The following CDH12 variants were observed in gnomAD, a reference collection of about 807,000 sequenced individuals.
The protein encoded by CDH12 is cadherin 12, also known as cadherin-12.
In CDH12, 41 loss-of-function variants were observed where a neutral mutation model predicts 74.1. The ratio of observed to expected loss-of-function variants is 0.55; its 90% CI spans 0.43 to 0.72. The LOEUF (loss-of-function observed/expected upper bound fraction) is 0.72. Ranked by LOEUF, CDH12 falls within the 30% of genes least tolerant of loss-of-function variation. The probability of loss-of-function intolerance (pLI) is 0.00; values close to 1 mark genes in which losing one functional copy is unlikely to be tolerated. For missense variants in CDH12, 945 were observed against 977.2 expected, an observed-to-expected ratio of 0.97 and a Z score of 0.44; for synonymous variants, 399 against 355.0, an observed-to-expected ratio of 1.12 and a Z score of -1.39.
chr5:22,162,566 G>A (rs1748420785), intron 4 of CDH12, among the ~76,000 whole-genome samples: 1 of 152,136 alleles, frequency 6.6e-6, no homozygotes, highest in African/African-American at 2.4e-5. Context: ...ACCAGACACA[G>A]GTCAGACAAG....
intron 5 of CDH12, among the ~76,000 whole-genome samples, chr5:21,991,506 T>TATTTATATATAA (rs1757748401): frequency 1.3e-5 from 2 of 148,244 alleles, no homozygotes; most frequent in Admixed American, 6.8e-5. Context: ...TACATTTATA[T>TATTTATATATAA]ATATATGTTT....
chr5:22,070,741 T>G (rs1741884097), intron 5 of CDH12, among the ~76,000 whole-genome samples: 1 of 152,332 alleles, frequency 6.6e-6, no homozygotes, highest in African/African-American at 2.4e-5. Flanking sequence ...CTGTGAAGAA[T>G]GTCAATGGTA....
intron 4 of CDH12, among the ~76,000 whole-genome samples, chr5:22,086,175 C>A (rs1345867187): frequency 1.3e-5 from 2 of 152,106 alleles, no homozygotes; most frequent in African/African-American, 4.8e-5. Context: ...TAATTCTTAT[C>A]AGCAAAACAG....
intron 1 of CDH12, among the ~76,000 whole-genome samples, chr5:22,709,572 T>C (rs1743192540): frequency 6.6e-6 from 1 of 152,236 alleles, no homozygotes; most frequent in Admixed American, 6.5e-5. Context: ...TTCTGTTGTA[T>C]ACATGGGCTA....
At chr5:22,484,139 CTTCT>C (rs1289861404) in intron 2 of CDH12, among the ~76,000 whole-genome samples, 1 of 152,002 alleles carries the variant, frequency 6.6e-6, no homozygotes, top group Non-Finnish European at 1.5e-5. Context: ...TATTGATTAT[CTTCT>C]TTTTCTCCTC....
intron 1 of CDH12, among the ~76,000 whole-genome samples, chr5:22,718,288 T>A (rs1036335650): frequency 1.3e-5 from 2 of 152,236 alleles, no homozygotes; most frequent in East Asian, 3.9e-4. Context: ...ACTCTTTCCA[T>A]CCACCCCCAC....
chr5:22,385,880 C>T (rs1367058528), intron 3 of CDH12, among the ~76,000 whole-genome samples: 8 of 145,914 alleles, frequency 5.5e-5, no homozygotes, highest in South Asian at 2.2e-4. Context: ...GGAATGGCTA[C>T]GCGCTTTTTT....
Position 22,201,297 on chromosome 5 carries a change from G to A in CDH12, c.-187+11201C>T, listed in dbSNP as rs1303369654. Among the ~76,000 whole-genome samples, 3 of 152,220 alleles carry A rather than the reference G, an allele frequency of 2.0e-5. No individual in the cohort carries two copies. In the East Asian group the frequency reaches 5.8e-4, roughly 29 times the overall value. On this transcript the variant is annotated intron_variant, in intron 4 of 14. Coordinates refer to ENST00000382254, the MANE Select transcript of CDH12 (RefSeq NM_004061.5). ...GGAATCAATCCATCACAAAATGACT[G>A]GATAAAGAAATGTGGTGTATATACA...
At chr5:21,891,572 T>TATACACACACACACAC (rs71609721) in intron 6 of CDH12, among the ~76,000 whole-genome samples, 1 of 144,954 alleles carries the variant, frequency 6.9e-6, no homozygotes, top group African/African-American at 2.5e-5. Context: ...CACACACACA[T>TATACACACACACACAC]ACACACACAC....
intron 1 of CDH12, among the ~76,000 whole-genome samples, chr5:22,584,517 C>T (rs966718141): frequency 3.3e-5 from 5 of 152,000 alleles, no homozygotes. Context: ...ATGTATATTA[C>T]TATGGATTAG....
intron 5 of CDH12, among the ~76,000 whole-genome samples, chr5:22,060,308 G>A (rs1741101310): frequency 6.6e-6 from 1 of 151,550 alleles, no homozygotes; most frequent in African/African-American, 2.4e-5. Flanking sequence ...TCACACACTG[G>A]GGCCTGTTGG....
chr5:22,155,582 GATTT>G (rs1472630220), intron 4 of CDH12, among the ~76,000 whole-genome samples: 1 of 152,022 alleles, frequency 6.6e-6, no homozygotes, highest in Admixed American at 6.6e-5. Context: ...TTTCTGGAAT[GATTT>G]ATTATGTGCA....
chr5:22,241,816 A>G (rs981852056), intron 3 of CDH12, among the ~76,000 whole-genome samples: 2 of 152,024 alleles, frequency 1.3e-5, no homozygotes, highest in African/African-American at 4.8e-5. Flanking sequence ...ATTTTATTTA[A>G]ATTATAATAA....
At chr5:22,569,027 C>A (rs2126762784) in intron 1 of CDH12, among the ~76,000 whole-genome samples, 1 of 152,252 alleles carries the variant, frequency 6.6e-6, no homozygotes, top group South Asian at 2.1e-4. Flanking sequence ...GACAACAGTA[C>A]AGTTTGTCAC....
intron 3 of CDH12, among the ~76,000 whole-genome samples, chr5:22,384,191 T>A (rs982759305): frequency 2.6e-5 from 4 of 152,142 alleles, no homozygotes; most frequent in Non-Finnish European, 5.9e-5. Flanking sequence ...CTGTAGTGCA[T>A]CTATCTAGCC....
chr5:21,824,935 C>A (rs1478748066), intron 8 of CDH12, among the ~76,000 whole-genome samples: 1 of 152,114 alleles, frequency 6.6e-6, no homozygotes, highest in Non-Finnish European at 1.5e-5. Context: ...GGGCCGATCA[C>A]CTGAGCTCAG....
At chr5:22,636,561 G>C (rs1738851303) in intron 1 of CDH12, among the ~76,000 whole-genome samples, 1 of 152,106 alleles carries the variant, frequency 6.6e-6, no homozygotes, top group African/African-American at 2.4e-5. Flanking sequence ...AAAGAAGCTA[G>C]TTATTTAAAA....
intron 8 of CDH12, among the ~76,000 whole-genome samples, chr5:21,825,208 T>C (rs550928963): frequency 2.2e-4 from 34 of 151,986 alleles, no homozygotes; most frequent in Middle Eastern, 3.4e-3. Flanking sequence ...GACTGAAAGC[T>C]ACAAGAGCCT....
chr5:21,859,256 T>C (rs1161425242), intron 6 of CDH12, among the ~76,000 whole-genome samples: 1 of 151,832 alleles, frequency 6.6e-6, no homozygotes, highest in Non-Finnish European at 1.5e-5. Flanking sequence ...TGGGAAGCCC[T>C]CAGGAAACTT....
Sources: gnomAD v4.1 joint callset for allele counts (sites outside exome capture counted in the v4.1 genomes callset) on GRCh38, gnomAD v4.1.1 for gene constraint, MANE v1.5 for transcripts, NCBI Gene and HGNC (gene_info 2026-07-23, HGNC 2026-07-21) for gene names.